CDH23: variants seen among roughly 807,000 people sequenced by gnomAD.
The protein encoded by CDH23 is cadherin related 23.
Under a neutral mutation model 317.1 loss-of-function variants are expected in CDH23, and 189 were observed. The observed-to-expected ratio is 0.60, with a 90% confidence interval of 0.53 to 0.67. The LOEUF (loss-of-function observed/expected upper bound fraction) is 0.67, where lower values mean the gene tolerates loss of function less well. Ranked by LOEUF, CDH23 falls within the 30% of genes least tolerant of loss-of-function variation. The pLI, the probability that CDH23 is intolerant of heterozygous loss-of-function variation, is 0.00. For missense variants in CDH23, 4,401 were observed against 4,592.4 expected, an observed-to-expected ratio of 0.96 and a Z score of 1.20; for synonymous variants, 1,839 against 1,876.8, an observed-to-expected ratio of 0.98 and a Z score of 0.52.
intron 6 of CDH23, among the ~76,000 whole-genome samples, chr10:71,565,561 G>T (rs61853871): frequency 0.064 from 9,718 of 152,208 alleles, 364 homozygotes; most frequent in East Asian, 0.11. Flanking sequence ...GACAGGGAAT[G>T]CCCTGGATGG....
In CDH23 at chr10:71,793,656, C is replaced by A; in HGVS notation, c.6712+16C>A. 4 of 1,525,272 alleles carry A rather than the reference C, an allele frequency of 2.6e-6. No individual in the cohort carries two copies. The highest frequency in any genetic ancestry group is 3.5e-6 in the Non-Finnish European group (4 of 1,130,008). The allele number at this position is 1,525,272 out of a possible 1,614,324, so 94.5% of individuals were successfully genotyped here. A position where few individuals can be genotyped will look rare whatever the true frequency, so the allele number is the denominator to read the frequency against. On this transcript the variant is annotated intron_variant, in intron 48 of 69. Transcript: ENST00000224721. The stretch of plus-strand genomic sequence containing the variant: ...ATCAACACAGGTACAAGGGCCTGCA[C>A]CCCTCCCACCTCCCTCCCAGCTCCC...
intron 38 of CDH23, chr10:71,760,645 A>G: frequency 1.9e-6 from 1 of 536,296 alleles, no homozygotes; most frequent in Non-Finnish European, 3.4e-6. Context: ...CACTCCAGAG[A>G]GTCAAGAGGA....
chr10:71,511,290 C>A (rs1200012880), intron 6 of CDH23, 78 bp downstream of exon 6: 1 of 1,310,254 alleles, frequency 7.6e-7, no homozygotes, highest in South Asian at 1.2e-5. Flanking sequence ...GGTGAAGAGT[C>A]AGGTGGGGAG....
At chr10:71,624,194 C>T (rs1450987749) in intron 11 of CDH23, among the ~76,000 whole-genome samples, 2 of 152,202 alleles carry the variant, frequency 1.3e-5, no homozygotes, top group Non-Finnish European at 2.9e-5. Flanking sequence ...CCGGCAAACC[C>T]AGCTCCCACT....
chr10:71,485,023 C>CTTTTTTTTTTTTTTTTT (rs56153129), intron 3 of CDH23, among the ~76,000 whole-genome samples: 2 of 110,152 alleles, frequency 1.8e-5, no homozygotes, highest in Non-Finnish European at 1.8e-5. Context: ...TTTCTTTTTT[C>CTTTTTTTTTTTTTTTTT]TTTTTTTTTT....
chr10:71,434,147 C>T (rs1283050581), intron 1 of CDH23, among the ~76,000 whole-genome samples: 1 of 152,198 alleles, frequency 6.6e-6, no homozygotes, highest in Non-Finnish European at 1.5e-5. Context: ...GCTCCCTCTG[C>T]CTGGAAGGCA....
At chr10:71,715,702 C>T (rs972170744) in intron 28 of CDH23, 19 of 403,182 alleles carry the variant, frequency 4.7e-5, no homozygotes, top group African/African-American at 3.9e-4. Context: ...ATCTCTTGAC[C>T]AGAAGTCTTT....
intron 25 of CDH23, among the ~76,000 whole-genome samples, chr10:71,705,514 G>A (rs1865753564): frequency 1.3e-5 from 2 of 152,152 alleles, no homozygotes; most frequent in Non-Finnish European, 2.9e-5. Context: ...CAGAGTTTTT[G>A]TTTGGGAGAC....
intron 9 of CDH23, among the ~76,000 whole-genome samples, chr10:71,600,648 C>G (rs1860158885): frequency 6.6e-6 from 1 of 151,758 alleles, no homozygotes; most frequent in Non-Finnish European, 1.5e-5. Context: ...TCCTGAGTAG[C>G]TGGGACTACG....
At chr10:71,647,068 C>T (rs566510749) in intron 14 of CDH23, 5 of 985,370 alleles carry the variant, frequency 5.1e-6, no homozygotes, top group Non-Finnish European at 6.0e-6. Flanking sequence ...ACAAGGGGCC[C>T]TCCCAGTGTC....
Position 71,779,368 on chromosome 10 carries a change from G to A in CDH23, c.5289G>A (p.Val1763=), listed in dbSNP as rs753061965. The A allele has an allele frequency of 2.5e-6, 4 of 1,613,836 alleles. No homozygotes were observed. The highest frequency in any genetic ancestry group is 2.2e-5 in the East Asian group (1 of 44,890). ...CTGAGGGCCAGCCGGGGCCCAGAGT[G>A]TGGACCTTCCTGGCCCATGACCGAG... ...EVTEGQPGPR[V]WTFLAHDRDS... The change falls in exon 41 of 70, where the codon GTG becomes GTA. Residue 1763 remains valine, a synonymous_variant. Coordinates refer to ENST00000224721, the MANE Select transcript of CDH23 (RefSeq NM_022124.6).
At chr10:71,763,550 A>C (rs1444250579) in intron 38 of CDH23, among the ~76,000 whole-genome samples, 1 of 152,194 alleles carries the variant, frequency 6.6e-6, no homozygotes, top group East Asian at 1.9e-4. Flanking sequence ...TTGCCCAGCC[A>C]GGAGGGAGGC....
chr10:71,550,326 G>A (rs1219885617), intron 6 of CDH23, among the ~76,000 whole-genome samples: 1 of 152,036 alleles, frequency 6.6e-6, no homozygotes, highest in African/African-American at 2.4e-5. Context: ...TGAGGAGTCG[G>A]GGATCGCTTG....
At chr10:71,750,508 C>T (rs1359130047) in intron 38 of CDH23, 3 of 152,336 alleles carry the variant, frequency 2.0e-5, no homozygotes, top group Non-Finnish European at 4.4e-5. Context: ...CCCTCAGCAC[C>T]ATCTCCAGTG....
intron 11 of CDH23, among the ~76,000 whole-genome samples, chr10:71,634,798 C>T (rs888730584): frequency 9.9e-5 from 15 of 152,256 alleles, no homozygotes; most frequent in African/African-American, 3.6e-4. Flanking sequence ...GCTGCTCCAT[C>T]TACAGAACTG....
intron 6 of CDH23, among the ~76,000 whole-genome samples, chr10:71,537,393 T>G (rs554826704): frequency 1.4e-4 from 21 of 152,294 alleles, no homozygotes; most frequent in African/African-American, 5.1e-4. Flanking sequence ...GCATTTTCGT[T>G]TGCTAGCAGA....
intron 14 of CDH23, among the ~76,000 whole-genome samples, chr10:71,657,496 T>G (rs1012036805): frequency 6.6e-6 from 1 of 152,206 alleles, no homozygotes. Context: ...TGTATAAAGC[T>G]GATGACAAAA....
At chr10:71,555,076 C>G (rs1479343448) in intron 6 of CDH23, among the ~76,000 whole-genome samples, 1 of 152,186 alleles carries the variant, frequency 6.6e-6, no homozygotes, top group East Asian at 1.9e-4. Flanking sequence ...GGGTATGAGG[C>G]TTCCAGCAGC....
In CDH23 at chr10:71,815,128, G is replaced by A. The variant is rs1842089514; in HGVS notation, c.9915G>A (p.Gln3305=). The change falls in exon 70 of 70, where the codon CAG becomes CAA. Residue 3305 remains glutamine, a synonymous_variant. Coordinates refer to ENST00000224721, the MANE Select transcript of CDH23 (RefSeq NM_022124.6). ...TCAACAGCCTGCCCGAGGAAGACCA[G>A]AAGGGCCTGGGCCGCTCGCTGGAGA... ...TDLNSLPEED[Q]KGLGRSLETL... The A allele has an allele frequency of 6.2e-7, 1 of 1,611,348 alleles. No homozygotes were observed. Among genetic ancestry groups the A allele is most frequent in the African/African-American group, 1.3e-5 (1 of 75,026 alleles).
Sources: gnomAD v4.1 joint callset for allele counts (sites outside exome capture counted in the v4.1 genomes callset) on GRCh38, gnomAD v4.1.1 for gene constraint, MANE v1.5 for transcripts, NCBI Gene and HGNC (gene_info 2026-07-23, HGNC 2026-07-21) for gene names.